The following ATP8A2 variants were observed in gnomAD, a reference collection of about 807,000 sequenced individuals.
ATP8A2 encodes the protein phospholipid-transporting ATPase IB.
Under a neutral mutation model 165.6 loss-of-function variants are expected in ATP8A2, and 100 were observed. That is an observed-to-expected ratio of 0.60 (90% CI 0.51 to 0.71). ATP8A2 has a LOEUF of 0.71. ATP8A2 is among the 30% of genes least tolerant of loss of function. ATP8A2 has a pLI of 0.00. For synonymous variants in ATP8A2, 543 were observed against 548.8 expected (o/e 0.99, Z 0.15); for missense variants, 1,227 against 1,479.5 (o/e 0.83, Z 2.80).
At chr13:25,873,456 A>G (rs1593484072) in intron 33 of ATP8A2, among the ~76,000 whole-genome samples, 1 of 152,196 alleles carries the variant, frequency 6.6e-6, no homozygotes, top group Non-Finnish European at 1.5e-5. Flanking sequence ...GCCACTGAAA[A>G]TAGGTTAGGT....
At chr13:25,906,135 A>G (rs1243365236) in intron 33 of ATP8A2, among the ~76,000 whole-genome samples, 1 of 151,894 alleles carries the variant, frequency 6.6e-6, no homozygotes, top group Non-Finnish European at 1.5e-5. Context: ...CCAGATTTCT[A>G]TCTTTTTGTC....
At chr13:25,614,266 A>C (rs2040764992) in intron 24 of ATP8A2, among the ~76,000 whole-genome samples, 1 of 152,068 alleles carries the variant, frequency 6.6e-6, no homozygotes, top group Admixed American at 6.6e-5. Flanking sequence ...CTTTGTCTTC[A>C]AGCTCTGAAG....
chr13:25,469,121 G>A lies in ATP8A2; in HGVS notation c.221G>A (p.Ser74Asn). The A allele has an allele frequency of 6.2e-7, 1 of 1,613,792 alleles. No individual in the cohort carries two copies. Among genetic ancestry groups the A allele is most frequent in the Non-Finnish European group, 8.5e-7 (1 of 1,179,782 alleles). Residue 74 changes from serine to asparagine, a missense_variant and splice_region_variant, in exon 2 of 37, where the codon AGT becomes AAT. Physicochemically the swap from Ser to Asn is conservative, Grantham distance 46 (BLOSUM62 1). Coordinates refer to ENST00000381655, the MANE Select transcript of ATP8A2 (RefSeq NM_016529.6). ...AACAAATTCCGCGACAACCAGATCA[G>A]GTAGGAGAAGGCGGCCGGCTCGCGC... ...HLNKFRDNQI[S>N]TAKYSVLTFL...
At chr13:25,504,404 T>A (rs2036955655) in intron 2 of ATP8A2, among the ~76,000 whole-genome samples, 1 of 151,458 alleles carries the variant, frequency 6.6e-6, no homozygotes, top group African/African-American at 2.4e-5. Flanking sequence ...GAATAATTTT[T>A]AAAAATCTTT....
intron 26 of ATP8A2, among the ~76,000 whole-genome samples, chr13:25,774,569 T>C (rs932985694): frequency 3.3e-5 from 5 of 152,284 alleles, no homozygotes; most frequent in African/African-American, 1.2e-4. Context: ...TAAAATTCAA[T>C]TACAAAAAAG....
At chr13:25,670,745 T>C (rs530277002) in intron 24 of ATP8A2, among the ~76,000 whole-genome samples, 1 of 152,340 alleles carries the variant, frequency 6.6e-6, no homozygotes, top group South Asian at 2.1e-4. Context: ...TAGAAACTTG[T>C]AGATTTACTT....
intron 15 of ATP8A2, among the ~76,000 whole-genome samples, chr13:25,562,706 G>A (rs2039193536): frequency 1.2e-5 from 1 of 80,854 alleles, no homozygotes; most frequent in South Asian, 3.1e-4. Flanking sequence ...TTAAAACCCT[G>A]TTTTGGGAGG....
At chr13:25,464,215 C>T (rs1254364111) in intron 1 of ATP8A2, among the ~76,000 whole-genome samples, 5 of 152,140 alleles carry the variant, frequency 3.3e-5, no homozygotes, top group Non-Finnish European at 7.3e-5. Context: ...TGGTGGTGAT[C>T]TACAGGTGAA....
At chr13:25,448,416 G>A (rs529208692) in intron 1 of ATP8A2, among the ~76,000 whole-genome samples, 182 of 152,178 alleles carry the variant, frequency 1.2e-3, no homozygotes, top group Non-Finnish European at 2.2e-3. Context: ...AAAAAACTGA[G>A]GGAGATACAC....
At chr13:25,909,537 C>T (rs1354402437) in intron 33 of ATP8A2, among the ~76,000 whole-genome samples, 11 of 152,138 alleles carry the variant, frequency 7.2e-5, no homozygotes, top group South Asian at 2.1e-4. Flanking sequence ...AAAAGTCAAC[C>T]GCAATTACTT....
At chr13:25,432,876 G>T (rs1451726701) in intron 1 of ATP8A2, among the ~76,000 whole-genome samples, 1 of 152,166 alleles carries the variant, frequency 6.6e-6, no homozygotes, top group East Asian at 1.9e-4. Context: ...GTTCATGAGA[G>T]GGTCAGTTTG....
intron 25 of ATP8A2, among the ~76,000 whole-genome samples, chr13:25,741,504 C>T (rs907056746): frequency 3.3e-5 from 5 of 152,106 alleles, no homozygotes; most frequent in Non-Finnish European, 7.4e-5. Flanking sequence ...ACCTCAGCCT[C>T]CTGAATAGCT....
chr13:25,421,763 A>G (rs772488043), intron 1 of ATP8A2, among the ~76,000 whole-genome samples: 2 of 152,258 alleles, frequency 1.3e-5, no homozygotes, highest in African/African-American at 4.8e-5. Flanking sequence ...AGTTTGATCT[A>G]TATAGCCTGC....
chr13:25,542,950 A>C (rs890917826), intron 9 of ATP8A2, among the ~76,000 whole-genome samples: 3 of 152,124 alleles, frequency 2.0e-5, no homozygotes, highest in Non-Finnish European at 4.4e-5. Flanking sequence ...ACTTCCAATA[A>C]TAATACTTAA....
intron 1 of ATP8A2, among the ~76,000 whole-genome samples, chr13:25,460,347 T>C (rs2035472520): frequency 6.6e-6 from 1 of 152,222 alleles, no homozygotes; most frequent in African/African-American, 2.4e-5. Flanking sequence ...TTAAAGCTGG[T>C]GTCCCTAACT....
chr13:25,563,930 TA>T (rs760454085), intron 15 of ATP8A2, 25 bp from the exon 16 acceptor site: 1 of 1,561,372 alleles, frequency 6.4e-7, no homozygotes, highest in East Asian at 2.2e-5. Context: ...TTAAATTGAA[TA>T]AATTTTCTCT....
chr13:25,931,440 T>C (rs373577249), intron 33 of ATP8A2, among the ~76,000 whole-genome samples: 1 of 152,198 alleles, frequency 6.6e-6, no homozygotes, highest in African/African-American at 2.4e-5. Flanking sequence ...ATCTTCATTA[T>C]GGCTCCTGTC....
chr13:25,388,189 A>G (rs996029458), intron 1 of ATP8A2, among the ~76,000 whole-genome samples: 3 of 152,054 alleles, frequency 2.0e-5, no homozygotes, highest in Admixed American at 2.0e-4. Flanking sequence ...GGAAGGAGAG[A>G]AAGAAGGAGG....
chr13:25,539,059 T>TTG (rs2038380130), intron 7 of ATP8A2, among the ~76,000 whole-genome samples: 1 of 112,076 alleles, frequency 8.9e-6, no homozygotes, highest in African/African-American at 4.2e-5. Context: ...TTAGAAAATT[T>TTG]AGTGTGTGTG....
Sources: allele counts gnomAD v4.1 joint callset (sites outside exome capture counted in the v4.1 genomes callset), GRCh38; gene constraint gnomAD v4.1.1; transcripts MANE v1.5; gene names NCBI Gene and HGNC (gene_info 2026-07-23, HGNC 2026-07-21).